FUNDC2: variants seen among roughly 807,000 people sequenced by gnomAD.
The protein encoded by FUNDC2 is FUN14 domain-containing protein 2.
A neutral mutation model predicts 15.6 loss-of-function variants in FUNDC2; 4 were observed. The observed-to-expected ratio is 0.26, with a 90% CI of 0.13 to 0.59. The LOEUF is 0.59. FUNDC2 is among the 20% of genes least tolerant of loss of function. The probability of loss-of-function intolerance (pLI) is 0.90; values close to 1 mark genes in which losing one functional copy is unlikely to be tolerated. For synonymous variants in FUNDC2, 44 were observed against 56.9 expected (o/e 0.77, Z 1.02); for missense variants, 98 against 149.7 (o/e 0.65, Z 1.80).
In FUNDC2 at chrX:155,057,216, G is replaced by A. The variant is rs2073909157; in HGVS notation, c.*2544G>A. 9.0e-6 allele frequency: 1 copy of A among 111,649 alleles called. No homozygotes were observed. The highest frequency in any genetic ancestry group is 1.9e-5 in the Non-Finnish European group (1 of 53,039). 9.2% of individuals were successfully genotyped at this position (111,649 alleles called of 1,213,427 possible). On this transcript the variant is annotated 3_prime_UTR_variant, in exon 5 of 5. Coordinates refer to ENST00000369498, the MANE Select transcript of FUNDC2 (RefSeq NM_023934.4). ...CATTTGGGGTTACCTGTGAATCAAG[G>A]CCCTATTGTGCCAGCAGTTTTGTTT...
chrX:155,042,786 T>C (rs1017864936), intron 2 of FUNDC2, among the ~76,000 whole-genome samples: 20 of 112,203 alleles, frequency 1.8e-4, no homozygotes, highest in African/African-American at 6.5e-4. Flanking sequence ...TAACTATAGT[T>C]CAGTATCATA....
In FUNDC2 at chrX:155,059,238, G is replaced by A. The variant is rs2073918916; in HGVS notation, c.*4566G>A. ...TGCCATACAACTTCAGATGCCTTCT[G>A]AATACTGAACACAAGTGTAATATTA... On this transcript the variant is annotated 3_prime_UTR_variant, in exon 5 of 5. Transcript: ENST00000369498. 1.8e-5 allele frequency: 2 copies of A among 112,309 alleles called. No homozygotes were observed. The highest frequency in any genetic ancestry group is 6.5e-5 in the African/African-American group (2 of 30,857). 9.3% of individuals were successfully genotyped at this position (112,309 alleles called of 1,213,427 possible). A position where few individuals can be genotyped will look rare whatever the true frequency, so the allele number is the denominator to read the frequency against.
At chrX:155,028,666 T>C (rs1206424361) in intron 1 of FUNDC2, among the ~76,000 whole-genome samples, 1 of 111,719 alleles carries the variant, frequency 9.0e-6, no homozygotes, top group Non-Finnish European at 1.9e-5. Context: ...ATAGTAGTTC[T>C]AACATCATTT....
Position 155,054,725 on chromosome X carries a change from A to T in FUNDC2, c.*53A>T. On this transcript the variant is annotated 3_prime_UTR_variant, in exon 5 of 5. Transcript: ENST00000369498. ...TGGTTTTTTCCAGCCAGCAGCCTCTACACTCCATCATAGGACATCGAGTCC... is the reference window on the plus strand; with the variant it reads ...TGGTTTTTTCCAGCCAGCAGCCTCTTCACTCCATCATAGGACATCGAGTCC... 9.7e-7 allele frequency: 1 copy of T among 1,026,600 alleles called. No individual in the cohort carries two copies. The highest frequency in any genetic ancestry group is 3.0e-5 in the East Asian group (1 of 33,008). The allele number at this position is 1,026,600 out of a possible 1,213,427, so 84.6% of individuals were successfully genotyped here. A position where few individuals can be genotyped will look rare whatever the true frequency, so the allele number is the denominator to read the frequency against.
rs1208345007 is a variant in FUNDC2, at chrX:155,057,457, T to C, written c.*2785T>C. The C allele has an allele frequency of 8.9e-6, 1 of 112,109 alleles. No homozygotes were observed. The highest frequency in any genetic ancestry group is 1.9e-5 in the Non-Finnish European group (1 of 53,198). 9.2% of individuals were successfully genotyped at this position (112,109 alleles called of 1,213,427 possible). A position where few individuals can be genotyped will look rare whatever the true frequency, so the allele number is the denominator to read the frequency against. On this transcript the variant is annotated 3_prime_UTR_variant, in exon 5 of 5. Coordinates refer to ENST00000369498, the MANE Select transcript of FUNDC2 (RefSeq NM_023934.4). ...ATTAGTGGTGGTGGGGCGGAAGTTT[T>C]TCCTTGGGAAGAGCGTTGTCGCTGT... is the stretch of plus-strand genomic sequence containing the variant.
intron 3 of FUNDC2, chrX:155,047,355 G>T (rs890297759): frequency 1.2e-5 from 4 of 340,891 alleles, no homozygotes; most frequent in African/African-American, 1.1e-4. Flanking sequence ...ACAGCCGTTT[G>T]TCTCTTCCCA....
intron 3 of FUNDC2, chrX:155,047,486 T>C (rs2073866267): frequency 3.0e-6 from 1 of 337,107 alleles, no homozygotes; most frequent in Non-Finnish European, 5.9e-6. Flanking sequence ...TAACTGGCTG[T>C]AGCTGGGTTG....
intron 2 of FUNDC2, among the ~76,000 whole-genome samples, chrX:155,034,279 A>G (rs2073824538): frequency 8.9e-6 from 1 of 112,679 alleles, no homozygotes; most frequent in African/African-American, 3.2e-5. Flanking sequence ...CTTAAAGTAA[A>G]TGCAATCAGT....
At chrX:155,037,725 C>T (rs1557289264) in intron 2 of FUNDC2, among the ~76,000 whole-genome samples, 1 of 109,580 alleles carries the variant, frequency 9.1e-6, no homozygotes, top group African/African-American at 3.3e-5. Context: ...CTCAAATGAT[C>T]TGCCTGCCTC....
chrX:155,031,229 C>T (rs1250380352), intron 1 of FUNDC2, among the ~76,000 whole-genome samples: 1 of 111,814 alleles, frequency 8.9e-6, no homozygotes, highest in Non-Finnish European at 1.9e-5. Context: ...TCTGGAACTC[C>T]AATTACATAT....
chrX:155,049,376 T>C (rs1221628455), intron 3 of FUNDC2: 2 of 113,077 alleles, frequency 1.8e-5, no homozygotes, highest in African/African-American at 6.4e-5. Context: ...TGCCCCCTTG[T>C]GAAAAATCAG....
Position 155,034,802 on chromosome X carries a change from T to G in FUNDC2, c.284+1249T>G, listed in dbSNP as rs1160023974. ...GTATTTCATGGTGGCTTCATTTACA[T>G]TTCCCTGAGTAGGAGTGACATTGAT... On this transcript the variant is annotated intron_variant, in intron 2 of 4. Transcript: ENST00000369498. Among the ~76,000 whole-genome samples, 4 of 112,302 alleles carry G rather than the reference T, an allele frequency of 3.6e-5. No individual in the cohort carries two copies. In the East Asian group the frequency reaches 1.1e-3, roughly 31 times the overall value.
chrX:155,035,883 G>A (rs1364252766), intron 2 of FUNDC2, among the ~76,000 whole-genome samples: 8 of 111,629 alleles, frequency 7.2e-5, no homozygotes, highest in Non-Finnish European at 1.5e-4. Flanking sequence ...CCATTGTATG[G>A]ATGTACCACA....
intron 3 of FUNDC2, chrX:155,049,588 A>G (rs2124196873): frequency 8.9e-6 from 1 of 111,916 alleles, no homozygotes; most frequent in African/African-American, 3.2e-5. Context: ...TTCCATATAA[A>G]TCTTAGAACC....
chrX:155,031,668 A>G (rs1162274435), intron 1 of FUNDC2, among the ~76,000 whole-genome samples: 1 of 112,218 alleles, frequency 8.9e-6, no homozygotes, highest in South Asian at 3.7e-4. Context: ...TGTTTCCTTT[A>G]TATGGCTTTG....
intron 4 of FUNDC2, 144 bp from the exon 5 acceptor site, chrX:155,054,451 C>A (rs1396795752): frequency 2.1e-5 from 23 of 1,109,121 alleles, no homozygotes; most frequent in Non-Finnish European, 2.6e-5. Flanking sequence ...TAGTGTAAGT[C>A]CATTGCCCTT....
At position 155,057,147 on chromosome X, in the gene FUNDC2, C is replaced by G. The variant is rs1184167007; in HGVS notation, c.*2475C>G. 9.1e-6 allele frequency: 1 copy of G among 110,251 alleles called. No homozygotes were observed. The highest frequency in any genetic ancestry group is 1.9e-5 in the Non-Finnish European group (1 of 52,051). 9.1% of individuals were successfully genotyped at this position (110,251 alleles called of 1,213,427 possible). On this transcript the variant is annotated 3_prime_UTR_variant, in exon 5 of 5. Coordinates refer to ENST00000369498, the MANE Select transcript of FUNDC2 (RefSeq NM_023934.4). ...GAGGTTGAACACGCACAGCTGCACA[C>G]CTTGTTTTCAGTTTAGCTGAACCAT... is the stretch of plus-strand genomic sequence containing the variant.
Position 155,059,456 on chromosome X carries a change from G to A in FUNDC2, c.*4784G>A, listed in dbSNP as rs1396951882. The A allele has an allele frequency of 1.1e-5, 1 of 93,384 alleles. No homozygotes were observed. Among genetic ancestry groups the A allele is most frequent in the Non-Finnish European group, 2.2e-5 (1 of 46,085 alleles). 7.7% of individuals were successfully genotyped at this position (93,384 alleles called of 1,213,427 possible). On this transcript the variant is annotated 3_prime_UTR_variant, in exon 5 of 5. Transcript: ENST00000369498. ...CTTAACAAAGTTTTTTTTTTTTTTT[G>A]GTTTCTAAAATGGGAGATCATAGTT...
rs2073899110 is a variant in FUNDC2, at chrX:155,056,605, T to A, written c.*1933T>A. ...ATGTAGTGACACTGAGTCATCTGTT[T>A]CCTGCTTCCCCACACTCTGCCTCTC... On this transcript the variant is annotated 3_prime_UTR_variant, in exon 5 of 5. Transcript: ENST00000369498. 1 of 110,556 alleles carries A rather than the reference T, an allele frequency of 9.0e-6. No homozygotes were observed. Among genetic ancestry groups the A allele is most frequent in the Admixed American group, 9.6e-5 (1 of 10,390 alleles). The allele number at this position is 110,556 out of a possible 1,213,427, so 9.1% of individuals were successfully genotyped here.
Sources: allele counts gnomAD v4.1 joint callset (sites outside exome capture counted in the v4.1 genomes callset), GRCh38; gene constraint gnomAD v4.1.1; transcripts MANE v1.5; gene names NCBI Gene and HGNC (gene_info 2026-07-23, HGNC 2026-07-21).